VAV2: variants seen among roughly 807,000 people sequenced by gnomAD.
VAV2 encodes guanine nucleotide exchange factor VAV2.
A neutral mutation model predicts 132.5 loss-of-function variants in VAV2; 67 were observed. The observed-to-expected ratio is 0.51, with a 90% confidence interval of 0.42 to 0.62. The LOEUF is 0.62. Among genes scored for constraint, VAV2 ranks in the 20% least tolerant of loss-of-function variants. The pLI is 0.00. For synonymous variants in VAV2, 492 were observed against 443.5 expected (o/e 1.11, Z -1.37); for missense variants, 938 against 1,153.6 (o/e 0.81, Z 2.71).
chr9:133,819,329 G>T (rs1055760607), intron 4 of VAV2, among the ~76,000 whole-genome samples: 2 of 151,814 alleles, frequency 1.3e-5, no homozygotes, highest in Admixed American at 6.6e-5. Flanking sequence ...GGTGCCTGTA[G>T]TCCCAGCTAC....
In VAV2 at chr9:133,935,940, C is replaced by A. The variant is rs115139770; in HGVS notation, c.321+3163G>T. Among the ~76,000 whole-genome samples, 1 of 152,200 alleles carries A rather than the reference C, an allele frequency of 6.6e-6. No individual in the cohort carries two copies. The highest frequency in any genetic ancestry group is 1.5e-5 in the Non-Finnish European group (1 of 68,040). On this transcript the variant is annotated intron_variant, in intron 2 of 29. Coordinates refer to ENST00000371850, the MANE Select transcript of VAV2 (RefSeq NM_001134398.2). The surrounding 1 kb of genome is among the most constrained non-coding windows in gnomAD (Gnocchi z 5.2). ...TGACACACCACAGGCCACATTCACG[C>A]GGGCTCCAGGAGGCAAAGGGCATGG... is the stretch of plus-strand genomic sequence containing the variant.
intron 9 of VAV2, among the ~76,000 whole-genome samples, chr9:133,799,516 A>G (rs974486169): frequency 3.9e-5 from 6 of 152,116 alleles, no homozygotes; most frequent in Non-Finnish European, 8.8e-5. Context: ...CCGGTCCCAC[A>G]TGGCCTGCAG....
chr9:133,806,210 G>A (rs1229645489), intron 8 of VAV2, 29 bp from the exon 9 acceptor site: 3 of 1,599,324 alleles, frequency 1.9e-6, no homozygotes, highest in Admixed American at 3.4e-5. Context: ...GTGAGTGCCT[G>A]GCCAGGCCCA....
At chr9:133,904,075 C>G (rs1281668831) in intron 2 of VAV2, among the ~76,000 whole-genome samples, 1 of 152,174 alleles carries the variant, frequency 6.6e-6, no homozygotes, top group Non-Finnish European at 1.5e-5. Context: ...GGGGTGGAAC[C>G]AGCTTGTATT....
At chr9:133,831,016 G>T (rs1836240069) in intron 4 of VAV2, among the ~76,000 whole-genome samples, 1 of 152,150 alleles carries the variant, frequency 6.6e-6, no homozygotes, top group Non-Finnish European at 1.5e-5. Flanking sequence ...TAATGTCAGG[G>T]AATAACATTA....
intron 9 of VAV2, among the ~76,000 whole-genome samples, chr9:133,805,539 C>G (rs949183619): frequency 5.3e-5 from 8 of 152,130 alleles, no homozygotes; most frequent in Non-Finnish European, 1.2e-4. Flanking sequence ...ATTGTCTAAC[C>G]CCCAGAAACG....
At chr9:133,986,071 T>C (rs904460306) in intron 1 of VAV2, among the ~76,000 whole-genome samples, 1 of 151,994 alleles carries the variant, frequency 6.6e-6, no homozygotes, top group Non-Finnish European at 1.5e-5. Flanking sequence ...TATCAAGATA[T>C]TTATATTGAC....
chr9:133,981,710 T>A (rs939085392), intron 1 of VAV2, among the ~76,000 whole-genome samples: 1 of 152,218 alleles, frequency 6.6e-6, no homozygotes, highest in Admixed American at 6.5e-5. Flanking sequence ...GAAGATGCTA[T>A]GTGTGGCCAA....
intron 4 of VAV2, among the ~76,000 whole-genome samples, chr9:133,831,417 CAA>C (rs1836258679): frequency 2.7e-5 from 4 of 150,164 alleles, no homozygotes; most frequent in Admixed American, 1.3e-4. Context: ...GCCTGGGTGA[CAA>C]GAGCAAAACT....
chr9:133,897,036 G>A (rs1839235549), intron 2 of VAV2, among the ~76,000 whole-genome samples: 1 of 152,110 alleles, frequency 6.6e-6, no homozygotes, highest in African/African-American at 2.4e-5. Context: ...GGAGCTTGCA[G>A]TGAGCCGACA....
In VAV2 at chr9:133,797,809, C is replaced by G. The variant is rs1834779406; in HGVS notation, c.837G>C (p.Arg279Ser). Reference protein sequence around the residue: ...LAKVFLDFKERLLIYGEYCSH... With the variant: ...LAKVFLDFKESLLIYGEYCSH... ...TGCAGTACTCCCCGTAGATCAGAAGCCTGGACGGTGCACACACACGCACAC... is the reference window on the plus strand; with the variant it reads ...TGCAGTACTCCCCGTAGATCAGAAGGCTGGACGGTGCACACACACGCACAC... The change falls in exon 10 of 30, where the codon AGG (arginine) becomes AGC (serine). Residue 279 changes from arginine to serine, a missense_variant and splice_region_variant. Transcript: ENST00000371850. 3.1e-6 allele frequency: 5 copies of G among 1,613,840 alleles called. No individual in the cohort carries two copies. Among genetic ancestry groups the G allele is most frequent in the African/African-American group, 2.7e-5 (2 of 75,040 alleles).
intron 24 of VAV2, 112 bp downstream of exon 24, chr9:133,775,916 T>G: frequency 2.2e-6 from 3 of 1,393,440 alleles, no homozygotes; most frequent in Non-Finnish European, 2.9e-6. Flanking sequence ...ACAGGCAGCC[T>G]GGGGCCTCCA....
At chr9:133,774,890 C>A in intron 25 of VAV2, 45 bp downstream of exon 25, 2 of 1,544,436 alleles carry the variant, frequency 1.3e-6, no homozygotes, top group South Asian at 1.2e-5. Flanking sequence ...CACTTCAGAA[C>A]GGCATTGGGG....
chr9:133,789,422 C>T (rs985848393), intron 13 of VAV2, 79 bp from the exon 14 acceptor site: 37 of 1,426,796 alleles, frequency 2.6e-5, no homozygotes, highest in South Asian at 1.4e-4. Flanking sequence ...GGCAGACTGT[C>T]GTGCACCCAA....
At chr9:133,905,724 TG>T (rs1314554372) in intron 2 of VAV2, among the ~76,000 whole-genome samples, 2 of 151,954 alleles carry the variant, frequency 1.3e-5, no homozygotes, top group African/African-American at 4.8e-5. Context: ...AGTGGATCAC[TG>T]GGGCTGCAGC....
intron 3 of VAV2, among the ~76,000 whole-genome samples, chr9:133,837,310 C>G (rs182207745): frequency 1.3e-5 from 2 of 152,342 alleles, no homozygotes; most frequent in Admixed American, 1.3e-4. Flanking sequence ...TCGTTAGGGC[C>G]TAAGAGCCCC....
chr9:133,916,308 C>T (rs1019328612), intron 2 of VAV2, among the ~76,000 whole-genome samples: 2 of 152,252 alleles, frequency 1.3e-5, no homozygotes, highest in African/African-American at 4.8e-5. Context: ...GAATTGCCCG[C>T]GGAGCCTGTG....
rs921519509 is a variant in VAV2, at chr9:133,804,229, G to A, written c.836+1852C>T. On this transcript the variant is annotated intron_variant, in intron 9 of 29. Transcript: ENST00000371850. This position sits in a 1 kb window ranked among gnomAD's most constrained non-coding sequence, Gnocchi z 4.5. The stretch of plus-strand genomic sequence containing the variant: ...GAAAGGGGCAAAAAAGCTGGATGCT[G>A]GGACAGAACCACGATGATTTGGTGA... Among the ~76,000 whole-genome samples the A allele has an allele frequency of 1.3e-5, 2 of 152,204 alleles. No individual in the cohort carries two copies. The highest frequency in any genetic ancestry group is 2.9e-5 in the Non-Finnish European group (2 of 68,036).
chr9:133,990,957 G>A lies in VAV2; in HGVS notation c.204+1118C>T, dbSNP rs1272007845. On this transcript the variant is annotated intron_variant, in intron 1 of 29. Coordinates refer to ENST00000371850, the MANE Select transcript of VAV2 (RefSeq NM_001134398.2). Reference sequence around the variant, plus strand: ...AGCGCCCCCCAACCCGGCAGAGAAAGGCCCGGTCTCCTAGGAAACGCAGTC... The same window carrying A: ...AGCGCCCCCCAACCCGGCAGAGAAAAGCCCGGTCTCCTAGGAAACGCAGTC... Among the ~76,000 whole-genome samples, 4 of 152,266 alleles carry A rather than the reference G, an allele frequency of 2.6e-5. No homozygotes were observed. The South Asian group carries it at 8.3e-4, about 32-fold the overall frequency.
Sources: allele counts gnomAD v4.1 joint callset (sites outside exome capture counted in the v4.1 genomes callset), GRCh38; gene constraint gnomAD v4.1.1; non-coding constraint Gnocchi (gnomAD v3.1); transcripts MANE v1.5; gene names NCBI Gene and HGNC (gene_info 2026-07-23, HGNC 2026-07-21).